Variants in CLEC16A observed in about 807,000 individuals in gnomAD.
CLEC16A encodes C-type lectin domain containing 16A, also known as protein CLEC16A.
CLEC16A carries 51 observed loss-of-function variants against 109.5 expected under a neutral mutation model. That is an observed-to-expected ratio of 0.47 (90% confidence interval 0.37 to 0.59). The LOEUF is 0.59. Ranked by LOEUF, CLEC16A falls within the 20% of genes least tolerant of loss-of-function variation. CLEC16A has a pLI of 0.00. For synonymous variants in CLEC16A, 673 were observed against 564.2 expected (o/e 1.19, Z -2.73); for missense variants, 1,339 against 1,394.0 (o/e 0.96, Z 0.63).
chr16:10,988,786 A>G (rs1596912759), intron 10 of CLEC16A, among the ~76,000 whole-genome samples: 1 of 152,138 alleles, frequency 6.6e-6, no homozygotes, highest in East Asian at 1.9e-4. Context: ...CTCTCCAGTG[A>G]GAATAGCAAA....
In CLEC16A at chr16:11,092,356, A is replaced by AC. The variant is rs1208076542; in HGVS notation, c.2117-28259_2117-28258insC. On this transcript the variant is annotated intron_variant, in intron 19 of 23. Transcript: ENST00000409790. Reference sequence around the variant, plus strand: ...AAGACCTGTCTCAAAAAACAAACAAAAACAAACACACACACACACACACAC... The same window carrying AC: ...AAGACCTGTCTCAAAAAACAAACAAACAACAAACACACACACACACACACAC... Among the ~76,000 whole-genome samples, 13 of 112,872 alleles carry AC rather than the reference A, an allele frequency of 1.2e-4. No individual in the cohort carries two copies. In the South Asian group the frequency reaches 1.3e-3, roughly 11 times the overall value. 74.0% of individuals were successfully genotyped at this position (112,872 alleles called of 152,430 possible).
At chr16:10,994,862 CA>C (rs1189908664) in intron 10 of CLEC16A, among the ~76,000 whole-genome samples, 1 of 152,204 alleles carries the variant, frequency 6.6e-6, no homozygotes, top group African/African-American at 2.4e-5. Flanking sequence ...GTCTTTACAT[CA>C]GTGCTCCCGG....
chr16:11,044,785 G>A (rs910576362), intron 16 of CLEC16A, among the ~76,000 whole-genome samples: 3 of 151,996 alleles, frequency 2.0e-5, no homozygotes, highest in South Asian at 2.1e-4. Flanking sequence ...ACAAAATTAG[G>A]CATGGTGGCG....
Position 11,089,049 on chromosome 16 carries a change from G to A in CLEC16A, c.2116+28027G>A, listed in dbSNP as rs189219564. Reference sequence around the variant, plus strand: ...GAACTCCCAGCCTCCGTTCAGGGGAGGGGGAGGGTGTCCTTCTGGACCAAG... The same window carrying A: ...GAACTCCCAGCCTCCGTTCAGGGGAAGGGGAGGGTGTCCTTCTGGACCAAG... On this transcript the variant is annotated intron_variant, in intron 19 of 23. Transcript: ENST00000409790. 4.1e-3 allele frequency among the ~76,000 whole-genome samples: 617 copies of A among 152,224 alleles called. 2 individuals carry two copies. Among genetic ancestry groups the A allele is most frequent in the African/African-American group, 0.014 (582 of 41,544 alleles).
At chr16:10,970,225 C>G (rs1316043902) in intron 4 of CLEC16A, among the ~76,000 whole-genome samples, 2 of 152,160 alleles carry the variant, frequency 1.3e-5, no homozygotes, top group African/African-American at 4.8e-5. Context: ...AGGTTCAACC[C>G]CTCATGGTCA....
chr16:11,055,293 C>G (rs926252311), intron 18 of CLEC16A, among the ~76,000 whole-genome samples: 2 of 152,228 alleles, frequency 1.3e-5, no homozygotes, highest in African/African-American at 4.8e-5. Flanking sequence ...CTGAGGAGCG[C>G]TCCTCCTGCA....
At chr16:10,971,364 A>C (rs553095365) in intron 5 of CLEC16A, 134 bp downstream of exon 5, 330 of 820,312 alleles carry the variant, frequency 4.0e-4, no homozygotes, top group Non-Finnish European at 5.4e-4. Flanking sequence ...AGCTTCTCTC[A>C]TGAAAAACTT....
chr16:11,117,941 T>G (rs1183146474), intron 19 of CLEC16A, among the ~76,000 whole-genome samples: 1 of 152,106 alleles, frequency 6.6e-6, no homozygotes, highest in East Asian at 1.9e-4. Context: ...GACATTAAAT[T>G]AGACATTGAA....
At chr16:11,148,889 A>G (rs1362481916) in intron 22 of CLEC16A, among the ~76,000 whole-genome samples, 2 of 152,268 alleles carry the variant, frequency 1.3e-5, no homozygotes, top group Non-Finnish European at 2.9e-5. Context: ...GAGAAGCTCC[A>G]GCAGTTCTGT....
At chr16:11,033,511 G>A (rs759511027) in intron 13 of CLEC16A, among the ~76,000 whole-genome samples, 11 of 152,194 alleles carry the variant, frequency 7.2e-5, no homozygotes, top group Non-Finnish European at 1.3e-4. Context: ...GTCCTGGCCT[G>A]TGAGCACAGA....
chr16:11,096,566 T>TA (rs1463031301), intron 19 of CLEC16A, among the ~76,000 whole-genome samples: 1 of 152,126 alleles, frequency 6.6e-6, no homozygotes, highest in African/African-American at 2.4e-5. Context: ...AACAAGCATT[T>TA]AAAAAACACT....
chr16:11,031,955 G>A (rs962013031), intron 13 of CLEC16A, among the ~76,000 whole-genome samples: 6 of 152,188 alleles, frequency 3.9e-5, no homozygotes, highest in African/African-American at 1.4e-4. Context: ...GCCAGGCAGT[G>A]TGCTCAACAT....
chr16:11,027,913 G>T, intron 13 of CLEC16A: 1 of 607,174 alleles, frequency 1.6e-6, no homozygotes, highest in Non-Finnish European at 2.9e-6. Flanking sequence ...AGAAAAGACA[G>T]TAGCTGGCTG....
intron 19 of CLEC16A, among the ~76,000 whole-genome samples, chr16:11,078,724 T>C (rs1446334261): frequency 2.0e-5 from 3 of 152,136 alleles, no homozygotes; most frequent in Non-Finnish European, 4.4e-5. Flanking sequence ...TCCTGGTTTC[T>C]TTACCAGGGA....
intron 22 of CLEC16A, among the ~76,000 whole-genome samples, chr16:11,143,506 A>G (rs2053930865): frequency 6.6e-6 from 1 of 152,216 alleles, no homozygotes; most frequent in Non-Finnish European, 1.5e-5. Flanking sequence ...AGTTTCCCTT[A>G]GCACCCTCCC....
At chr16:11,022,759 C>T (rs999030733) in intron 12 of CLEC16A, among the ~76,000 whole-genome samples, 3 of 151,554 alleles carry the variant, frequency 2.0e-5, no homozygotes, top group Non-Finnish European at 4.4e-5. Flanking sequence ...ATTAGCTGGG[C>T]GTGGTGGCGA....
chr16:11,051,495 C>A lies in CLEC16A; in HGVS notation c.1867-18C>A. 1.9e-6 allele frequency: 3 copies of A among 1,607,274 alleles called. No individual in the cohort carries two copies. Among genetic ancestry groups the A allele is most frequent in the Non-Finnish European group, 2.6e-6 (3 of 1,174,170 alleles). On this transcript the variant is annotated intron_variant, in intron 17 of 23. Transcript: ENST00000409790. ...AGTAAGGAATCTGCTTTGAGGTTTC[C>A]TGTAATGTCTCTTCTAGATGAAGCC... is the stretch of plus-strand genomic sequence containing the variant.
chr16:11,136,525 G>C (rs2053571083), intron 22 of CLEC16A, among the ~76,000 whole-genome samples: 1 of 152,102 alleles, frequency 6.6e-6, no homozygotes, highest in South Asian at 2.1e-4. Flanking sequence ...CCAGAAAATA[G>C]GTTCCTTTTC....
intron 9 of CLEC16A, 33 bp from the exon 10 acceptor site, chr16:10,982,845 T>G (rs764425277): frequency 3.8e-6 from 5 of 1,299,472 alleles, no homozygotes; most frequent in South Asian, 1.2e-5. Context: ...CCGCACACTT[T>G]CATGCAAATC....
Sources: gnomAD v4.1 joint callset for allele counts (sites outside exome capture counted in the v4.1 genomes callset) on GRCh38, gnomAD v4.1.1 for gene constraint, MANE v1.5 for transcripts, NCBI Gene and HGNC (gene_info 2026-07-23, HGNC 2026-07-21) for gene names.